The following USH2A variants were observed in gnomAD, a reference collection of about 807,000 sequenced individuals.
The protein encoded by USH2A is usherin, also known as Usher syndrome 2A (autosomal recessive, mild).
USH2A carries 443 observed loss-of-function variants against 538.9 expected under a neutral mutation model. The ratio of observed to expected loss-of-function variants is 0.82; its 90% CI spans 0.76 to 0.89. The LOEUF is 0.89. Ranked by LOEUF, USH2A falls within the 40% of genes least tolerant of loss-of-function variation. USH2A has a pLI of 0.00. For synonymous variants in USH2A, 2,413 were observed against 2,273.5 expected, an observed-to-expected ratio of 1.06 and a Z score of -1.75; for missense variants, 6,633 against 6,324.8, an observed-to-expected ratio of 1.05 and a Z score of -1.65.
intron 20 of USH2A, among the ~76,000 whole-genome samples, chr1:216,185,991 T>C (rs2034591892): frequency 6.6e-6 from 1 of 151,878 alleles, no homozygotes; most frequent in South Asian, 2.1e-4. Flanking sequence ...GTAAAAATTA[T>C]TTTTCCATAC....
intron 25 of USH2A, among the ~76,000 whole-genome samples, chr1:216,084,069 G>A (rs963250240): frequency 6.6e-6 from 1 of 152,028 alleles, no homozygotes; most frequent in South Asian, 2.1e-4. Context: ...GAACAAGCCG[G>A]GTGCACCAAG....
chr1:216,292,079 TA>T, intron 10 of USH2A, 95 bp downstream of exon 10: 1 of 1,374,544 alleles, frequency 7.3e-7, no homozygotes. Flanking sequence ...AGTACATCCT[TA>T]AATAAGATAG....
chr1:215,914,155 C>T (rs1238899953), intron 38 of USH2A, among the ~76,000 whole-genome samples: 1 of 148,542 alleles, frequency 6.7e-6, no homozygotes, highest in Non-Finnish European at 1.5e-5. Context: ...CTCACTGCAA[C>T]CTCCGCCTCC....
chr1:215,817,242 C>G, intron 47 of USH2A, 47 bp from the exon 48 acceptor site: 1 of 1,579,426 alleles, frequency 6.3e-7, no homozygotes, highest in Non-Finnish European at 8.7e-7. Context: ...CACTATTTAA[C>G]ATTGATGCTA....
intron 55 of USH2A, among the ~76,000 whole-genome samples, chr1:215,770,938 C>G (rs1661262095): frequency 9.4e-6 from 1 of 106,608 alleles, no homozygotes; most frequent in Non-Finnish European, 1.8e-5. Flanking sequence ...AACCCCGTCT[C>G]TACTAAAAAA....
intron 2 of USH2A, 97 bp from the exon 3 acceptor site, chr1:216,418,776 A>G: frequency 7.4e-7 from 1 of 1,348,716 alleles, no homozygotes; most frequent in Non-Finnish European, 1.1e-6. Context: ...AATGACCTCA[A>G]ACTTTGCTCA....
intron 11 of USH2A, among the ~76,000 whole-genome samples, chr1:216,268,975 T>G: frequency 6.6e-6 from 1 of 152,286 alleles, no homozygotes. Flanking sequence ...TTATTGATTG[T>G]TCTTTCTCTT....
At chr1:216,139,197 T>G (rs1339869202) in intron 21 of USH2A, among the ~76,000 whole-genome samples, 2 of 152,158 alleles carry the variant, frequency 1.3e-5, no homozygotes, top group Non-Finnish European at 2.9e-5. Flanking sequence ...AGAAAGCAAG[T>G]GTGGGAATTC....
chr1:216,245,882 C>T (rs2036032871), intron 13 of USH2A, among the ~76,000 whole-genome samples: 1 of 152,134 alleles, frequency 6.6e-6, no homozygotes, highest in African/African-American at 2.4e-5. Flanking sequence ...CTAATATTGG[C>T]TGACAGGACA....
intron 61 of USH2A, among the ~76,000 whole-genome samples, chr1:215,727,682 G>A (rs944596262): frequency 6.6e-6 from 1 of 151,876 alleles, no homozygotes; most frequent in African/African-American, 2.4e-5. Flanking sequence ...CTGAGACCAC[G>A]CCACTCCACT....
intron 57 of USH2A, among the ~76,000 whole-genome samples, chr1:215,759,360 A>G (rs1487920277): frequency 6.6e-6 from 1 of 152,132 alleles, no homozygotes; most frequent in Non-Finnish European, 1.5e-5. Context: ...TGCTAGTTCA[A>G]GGATGCGTGT....
intron 3 of USH2A, among the ~76,000 whole-genome samples, chr1:216,397,966 A>G (rs2039242472): frequency 6.6e-6 from 1 of 152,182 alleles, no homozygotes; most frequent in South Asian, 2.1e-4. Context: ...ACCCTGACTA[A>G]TACAGACCAT....
At chr1:216,070,462 GC>G (rs2031522051) in intron 29 of USH2A, among the ~76,000 whole-genome samples, 170 bp from the exon 30 acceptor site, 1 of 152,098 alleles carries the variant, frequency 6.6e-6, no homozygotes, top group Admixed American at 6.6e-5. Context: ...CACATCTTGA[GC>G]CATTCAGTTT....
intron 70 of USH2A, chr1:215,630,013 G>C (rs1033794665): frequency 2.1e-6 from 1 of 469,964 alleles, no homozygotes; most frequent in Non-Finnish European, 4.2e-6. Flanking sequence ...CTGACCTTGT[G>C]ATCCGCCCGC....
chr1:216,389,838 A>T (rs2039070154), intron 3 of USH2A, among the ~76,000 whole-genome samples: 1 of 152,146 alleles, frequency 6.6e-6, no homozygotes, highest in Non-Finnish European at 1.5e-5. Flanking sequence ...TCCCTTCAGA[A>T]CCATTGGAAA....
chr1:215,774,184 C>A (rs80245712), intron 55 of USH2A, among the ~76,000 whole-genome samples: 2,700 of 152,170 alleles, frequency 0.018, 75 homozygotes, highest in African/African-American at 0.062. Context: ...ATTGCACATG[C>A]CAGTAAGATC....
chr1:215,667,561 A>T (rs981336931), intron 64 of USH2A, among the ~76,000 whole-genome samples: 1 of 151,916 alleles, frequency 6.6e-6, no homozygotes. Flanking sequence ...TTCGCCACGC[A>T]TGGTGGCGGG....
chr1:216,184,553 T>C lies in USH2A; in HGVS notation c.4396+5670A>G, dbSNP rs767099354. ...AATGAGGGATTATTGAAGACAGGAA[T>C]GAACAAAATGCATTCATAACTAAGA... On this transcript the variant is annotated intron_variant, in intron 20 of 71. Transcript: ENST00000307340. Among the ~76,000 whole-genome samples the C allele has an allele frequency of 2.6e-5, 4 of 151,948 alleles. No homozygotes were observed. The South Asian group carries it at 8.3e-4, about 32-fold the overall frequency.
intron 9 of USH2A, among the ~76,000 whole-genome samples, chr1:216,307,020 G>A (rs1418934714): frequency 6.6e-6 from 1 of 152,034 alleles, no homozygotes. Flanking sequence ...CTTCAGACAG[G>A]AGGTGGCGCT....
Sources: gnomAD v4.1 joint callset for allele counts (sites outside exome capture counted in the v4.1 genomes callset) on GRCh38, gnomAD v4.1.1 for gene constraint, MANE v1.5 for transcripts, NCBI Gene and HGNC (gene_info 2026-07-23, HGNC 2026-07-21) for gene names.